TMEM132D: variants seen among roughly 807,000 people sequenced by gnomAD.
The protein encoded by TMEM132D is mature OL transmembrane protein.
TMEM132D carries 21 observed loss-of-function variants against 62.3 expected under a neutral mutation model. The observed-to-expected ratio is 0.34, with a 90% confidence interval of 0.24 to 0.49. The LOEUF is 0.49. Ranked by LOEUF, TMEM132D falls within the 20% of genes least tolerant of loss-of-function variation. TMEM132D has a pLI of 0.99. For missense variants in TMEM132D, 1,346 were observed against 1,402.8 expected (o/e 0.96, Z 0.65); for synonymous variants, 621 against 575.6 (o/e 1.08, Z -1.13).
intron 2 of TMEM132D, among the ~76,000 whole-genome samples, chr12:129,532,725 T>C (rs762357179): frequency 3.3e-5 from 5 of 152,138 alleles, no homozygotes; most frequent in African/African-American, 4.8e-5. Flanking sequence ...TCTAGGAGCA[T>C]AGAATTTTGG....
At chr12:129,780,939 T>C (rs975760102) in intron 1 of TMEM132D, among the ~76,000 whole-genome samples, 2 of 152,164 alleles carry the variant, frequency 1.3e-5, no homozygotes, top group Admixed American at 6.5e-5. Flanking sequence ...AGTGAATTAA[T>C]TTCTAACCAG....
At chr12:129,280,998 C>A (rs1292023066) in intron 4 of TMEM132D, among the ~76,000 whole-genome samples, 1 of 150,840 alleles carries the variant, frequency 6.6e-6, no homozygotes, top group Admixed American at 6.6e-5. Context: ...AAAATGTGGT[C>A]CATCTATACT....
chr12:129,680,347 A>G (rs1880747158), intron 2 of TMEM132D, among the ~76,000 whole-genome samples: 1 of 152,234 alleles, frequency 6.6e-6, no homozygotes, highest in Non-Finnish European at 1.5e-5. Context: ...AAGGGAAAAG[A>G]AATATAAAAA....
At chr12:129,670,716 T>A (rs116171337) in intron 2 of TMEM132D, among the ~76,000 whole-genome samples, 2,243 of 152,306 alleles carry the variant, frequency 0.015, 46 homozygotes, top group African/African-American at 0.05. Context: ...TCCCCCTGTC[T>A]TGATGAATCG....
chr12:129,231,648 A>G (rs1879642738), intron 4 of TMEM132D, among the ~76,000 whole-genome samples: 1 of 152,210 alleles, frequency 6.6e-6, no homozygotes, highest in African/African-American at 2.4e-5. Flanking sequence ...CCAAGAAAGC[A>G]GCTGTGGCTG....
At chr12:129,331,601 A>T (rs1173186841) in intron 4 of TMEM132D, among the ~76,000 whole-genome samples, 2 of 152,222 alleles carry the variant, frequency 1.3e-5, no homozygotes, top group Non-Finnish European at 2.9e-5. Context: ...TACTTCCTGC[A>T]CTTACAACGG....
At chr12:129,184,878 G>T (rs1878180502) in intron 5 of TMEM132D, among the ~76,000 whole-genome samples, 1 of 151,034 alleles carries the variant, frequency 6.6e-6, no homozygotes. Flanking sequence ...GGGTGGGGGT[G>T]GGAGTGTGTG....
At chr12:129,801,013 TA>T (rs145562180) in intron 1 of TMEM132D, among the ~76,000 whole-genome samples, 10,456 of 152,212 alleles carry the variant, frequency 0.069, 425 homozygotes, top group African/African-American at 0.088. Context: ...CTGACGGGCT[TA>T]AAAAATGGCG....
At chr12:129,236,976 G>C (rs1879803931) in intron 4 of TMEM132D, among the ~76,000 whole-genome samples, 3 of 152,106 alleles carry the variant, frequency 2.0e-5, no homozygotes, top group Admixed American at 6.5e-5. Context: ...TGCATCTTCT[G>C]AGATGATCAT....
intron 2 of TMEM132D, among the ~76,000 whole-genome samples, chr12:129,590,715 C>T (rs1278050986): frequency 6.6e-6 from 1 of 152,182 alleles, no homozygotes; most frequent in Non-Finnish European, 1.5e-5. Context: ...AGCTCAATGG[C>T]AACAGGGCTT....
chr12:129,463,465 T>TTA (rs1555258173), intron 3 of TMEM132D, among the ~76,000 whole-genome samples: 3 of 89,682 alleles, frequency 3.3e-5, no homozygotes, highest in African/African-American at 9.0e-5. Flanking sequence ...TATTTATTTA[T>TTA]TTATGTATTA....
rs1362485430 is a variant in TMEM132D at position 129,208,499 on chromosome 12, G to A, written c.1443+1021C>T. The A allele has an allele frequency of 2.0e-5, 3 of 152,422 alleles. No individual in the cohort carries two copies. The South Asian group carries it at 6.2e-4, about 32-fold the overall frequency. The allele number at this position is 152,422 out of a possible 1,614,324, so 9.4% of individuals were successfully genotyped here. ...TTATGTGGTCCTAGAGTCTTGAACAGTACCTAGCACTTAGTGGGGATTTGA... is the reference window on the plus strand; with the variant it reads ...TTATGTGGTCCTAGAGTCTTGAACAATACCTAGCACTTAGTGGGGATTTGA... On this transcript the variant is annotated intron_variant, in intron 5 of 8. Transcript: ENST00000422113.
chr12:129,150,338 C>T (rs766920396), intron 5 of TMEM132D, among the ~76,000 whole-genome samples: 10 of 152,176 alleles, frequency 6.6e-5, no homozygotes, highest in African/African-American at 1.7e-4. Flanking sequence ...ACAATGCCGA[C>T]GGCCAACACT....
chr12:129,092,875 A>C (rs772112937), intron 5 of TMEM132D, among the ~76,000 whole-genome samples: 1 of 152,240 alleles, frequency 6.6e-6, no homozygotes. Context: ...ATTGAAGCTC[A>C]GTGTCCTATA....
intron 2 of TMEM132D, among the ~76,000 whole-genome samples, chr12:129,640,302 A>G (rs1879610015): frequency 6.6e-6 from 1 of 151,758 alleles, no homozygotes; most frequent in African/African-American, 2.4e-5. Flanking sequence ...GACACAACAT[A>G]AAAGCGTGGA....
At chr12:129,672,375 G>A (rs116570936) in intron 2 of TMEM132D, among the ~76,000 whole-genome samples, 2,250 of 152,302 alleles carry the variant, frequency 0.015, 47 homozygotes, top group African/African-American at 0.05. Flanking sequence ...AGCCCAGCTC[G>A]TCACCTTTCC....
chr12:129,356,400 G>A (rs1410175093), intron 3 of TMEM132D, among the ~76,000 whole-genome samples: 2 of 25,932 alleles, frequency 7.7e-5, no homozygotes, highest in East Asian at 4.6e-4. Context: ...CTCGTGATCC[G>A]CCCGCCTCGG....
intron 4 of TMEM132D, among the ~76,000 whole-genome samples, chr12:129,299,219 G>C (rs1593328222): frequency 6.6e-6 from 1 of 152,130 alleles, no homozygotes; most frequent in African/African-American, 2.4e-5. Context: ...TGGAAAGAAT[G>C]GTAGGAACCT....
Position 129,229,320 on chromosome 12 carries a change from G to A in TMEM132D, c.1300-19657C>T, listed in dbSNP as rs1879572207. Among the ~76,000 whole-genome samples, 7 of 152,192 alleles carry A rather than the reference G, an allele frequency of 4.6e-5. No homozygotes were observed. The South Asian group carries it at 1.5e-3, about 32-fold the overall frequency. On this transcript the variant is annotated intron_variant, in intron 4 of 8. Transcript: ENST00000422113. ...TTGAGTACACTCAGCATATATCAAA[G>A]ATCGACAACTACGGATGTTGATAAT...
Sources: allele counts gnomAD v4.1 joint callset (sites outside exome capture counted in the v4.1 genomes callset), GRCh38; gene constraint gnomAD v4.1.1; transcripts MANE v1.5; gene names NCBI Gene and HGNC (gene_info 2026-07-23, HGNC 2026-07-21).